TRPM3: variants seen among roughly 807,000 people sequenced by gnomAD.
The protein encoded by TRPM3 is transient receptor potential cation channel subfamily M member 3, also known as long transient receptor potential channel 3.
TRPM3 carries 77 observed loss-of-function variants against 181.2 expected under a neutral mutation model. That is an observed-to-expected ratio of 0.42 (90% CI 0.35 to 0.51). TRPM3 has a LOEUF of 0.51. Among genes scored for constraint, TRPM3 ranks in the 20% least tolerant of loss-of-function variants. The pLI, the probability that TRPM3 is intolerant of heterozygous loss-of-function variation, is 0.01. For missense variants in TRPM3, 1,759 were observed against 2,196.7 expected (o/e 0.80, Z 3.98); for synonymous variants, 745 against 796.4 (o/e 0.94, Z 1.09).
chr9:71,150,397 C>T (rs1054888309), intron 1 of TRPM3, among the ~76,000 whole-genome samples: 6 of 151,964 alleles, frequency 3.9e-5, no homozygotes, highest in Non-Finnish European at 7.4e-5. Flanking sequence ...AATATCTTAA[C>T]GGGTAAAAAT....
chr9:70,924,955 T>G (rs981151561), intron 1 of TRPM3, among the ~76,000 whole-genome samples: 1 of 152,166 alleles, frequency 6.6e-6, no homozygotes, highest in Admixed American at 6.6e-5. Context: ...TCGCTGAACC[T>G]AAGCCAGAAG....
chr9:70,556,356 C>T (rs2047700908), intron 22 of TRPM3, among the ~76,000 whole-genome samples: 1 of 152,068 alleles, frequency 6.6e-6, no homozygotes, highest in East Asian at 1.9e-4. Flanking sequence ...TTCCAGCCTC[C>T]CCCACCTTTT....
At chr9:70,935,108 TC>T (rs1266338270) in intron 1 of TRPM3, among the ~76,000 whole-genome samples, 19 of 152,202 alleles carry the variant, frequency 1.2e-4, no homozygotes, top group African/African-American at 4.3e-4. Context: ...TACTTCTCTT[TC>T]CACCTCATGA....
intron 1 of TRPM3, among the ~76,000 whole-genome samples, chr9:71,375,827 AT>A (rs2092652655): frequency 6.6e-6 from 1 of 152,156 alleles, no homozygotes; most frequent in Non-Finnish European, 1.5e-5. Flanking sequence ...GATTGTTAGC[AT>A]TTTTTAGCAA....
intron 14 of TRPM3, among the ~76,000 whole-genome samples, chr9:70,622,843 C>CTCTCTCTCTCATTTT (rs1438834408): frequency 6.6e-6 from 1 of 152,144 alleles, no homozygotes; most frequent in Non-Finnish European, 1.5e-5. Context: ...AACCGAATCT[C>CTCTCTCTCTCATTTT]TCTCTCTCTC....
At chr9:71,138,690 T>C (rs1319723490) in intron 1 of TRPM3, among the ~76,000 whole-genome samples, 1 of 152,206 alleles carries the variant, frequency 6.6e-6, no homozygotes, top group Non-Finnish European at 1.5e-5. Context: ...TTCAATAATA[T>C]GTCTGGATTA....
chr9:70,687,886 A>G (rs560658682), intron 8 of TRPM3, among the ~76,000 whole-genome samples: 1 of 152,344 alleles, frequency 6.6e-6, no homozygotes, highest in South Asian at 2.1e-4. Flanking sequence ...CTGGGAATGG[A>G]GCAGTGAACC....
At chr9:71,368,004 G>A (rs199583915) in intron 1 of TRPM3, among the ~76,000 whole-genome samples, 129 of 37,894 alleles carry the variant, frequency 3.4e-3, no homozygotes, top group Non-Finnish European at 3.7e-3. Flanking sequence ...ACACACACAT[G>A]TGAGTGTATG....
At chr9:71,373,108 G>C (rs1052226992) in intron 1 of TRPM3, among the ~76,000 whole-genome samples, 6 of 152,168 alleles carry the variant, frequency 3.9e-5, no homozygotes, top group Non-Finnish European at 8.8e-5. Context: ...AGAGTCTCCG[G>C]GATGTGGCTA....
intron 1 of TRPM3, among the ~76,000 whole-genome samples, chr9:70,889,869 A>G (rs934298733): frequency 1.3e-5 from 2 of 150,672 alleles, no homozygotes; most frequent in Non-Finnish European, 3.0e-5. Context: ...AAGTGTATAT[A>G]TGGCATATAC....
intron 1 of TRPM3, among the ~76,000 whole-genome samples, chr9:70,943,691 C>T (rs1034271598): frequency 5.9e-5 from 9 of 152,214 alleles, no homozygotes; most frequent in Non-Finnish European, 1.2e-4. Flanking sequence ...AGATTTTATA[C>T]AGACCTCACA....
At chr9:70,926,467 G>A (rs189353914) in intron 1 of TRPM3, among the ~76,000 whole-genome samples, 2 of 152,050 alleles carry the variant, frequency 1.3e-5, no homozygotes, top group Non-Finnish European at 2.9e-5. Context: ...AATTAAAAGT[G>A]GCTCTCTCAA....
At chr9:70,825,238 G>A (rs2093478453) in intron 6 of TRPM3, 1 of 152,192 alleles carries the variant, frequency 6.6e-6, no homozygotes, top group Non-Finnish European at 1.5e-5. Flanking sequence ...TGCTATAGGA[G>A]CTAACTCTTG....
chr9:70,584,263 C>T (rs758779054), intron 22 of TRPM3, among the ~76,000 whole-genome samples: 1 of 152,188 alleles, frequency 6.6e-6, no homozygotes, highest in Non-Finnish European at 1.5e-5. Context: ...TGCAGGAAGA[C>T]ACCACCTCTC....
At chr9:71,274,694 T>G (rs1403338824) in intron 1 of TRPM3, among the ~76,000 whole-genome samples, 1 of 152,248 alleles carries the variant, frequency 6.6e-6, no homozygotes, top group Non-Finnish European at 1.5e-5. Context: ...TTCTTGAATC[T>G]ATTCACTGTG....
intron 1 of TRPM3, among the ~76,000 whole-genome samples, chr9:70,869,718 G>C (rs539498973): frequency 2.0e-5 from 3 of 152,076 alleles, no homozygotes; most frequent in East Asian, 3.9e-4. Flanking sequence ...GCAAATGTAT[G>C]ATTAGAAACC....
At position 71,184,080 on chromosome 9, in the gene TRPM3, C is replaced by A. The variant is rs188937982; in HGVS notation, c.183+262573G>T. 2.6e-5 allele frequency among the ~76,000 whole-genome samples: 4 copies of A among 152,188 alleles called. No individual in the cohort carries two copies. The East Asian group carries it at 7.7e-4, about 29-fold the overall frequency. On this transcript the variant is annotated intron_variant, in intron 1 of 24. Coordinates refer to the TRPM3 transcript ENST00000357533. ...GCTCAGCCAGAATCCAGACAGGCAGCCAGATTTTTAATGCAAATCTCCAGA... is the reference window on the plus strand; with the variant it reads ...GCTCAGCCAGAATCCAGACAGGCAGACAGATTTTTAATGCAAATCTCCAGA...
At chr9:70,755,086 C>T (rs1372277913) in intron 8 of TRPM3, among the ~76,000 whole-genome samples, 1 of 152,134 alleles carries the variant, frequency 6.6e-6, no homozygotes, top group Non-Finnish European at 1.5e-5. Context: ...AAATTTCTAA[C>T]TTATTTTTGC....
chr9:70,700,719 C>T (rs145449135), intron 8 of TRPM3, among the ~76,000 whole-genome samples: 2 of 152,174 alleles, frequency 1.3e-5, no homozygotes, highest in Non-Finnish European at 2.9e-5. Flanking sequence ...TCAGATTGAT[C>T]TCTTTGGAGA....
Sources: allele counts gnomAD v4.1 joint callset (sites outside exome capture counted in the v4.1 genomes callset), GRCh38; gene constraint gnomAD v4.1.1; transcripts MANE v1.5; gene names NCBI Gene and HGNC (gene_info 2026-07-23, HGNC 2026-07-21).